Variants in TXNDC5 observed in about 807,000 individuals in gnomAD.
TXNDC5 encodes thioredoxin domain-containing protein 5.
A neutral mutation model predicts 52.6 loss-of-function variants in TXNDC5; 44 were observed. That is an observed-to-expected ratio of 0.84 (90% confidence interval 0.66 to 1.08). TXNDC5 has a LOEUF of 1.08. Among genes scored for constraint, TXNDC5 ranks in the 50% least tolerant of loss-of-function variants. The pLI, the probability that TXNDC5 is intolerant of heterozygous loss-of-function variation, is 0.00. For synonymous variants in TXNDC5, 241 were observed against 234.4 expected (o/e 1.03, Z -0.26); for missense variants, 600 against 565.5 (o/e 1.06, Z -0.62).
At chr6:7,899,429 A>G (rs1385981376) in intron 3 of TXNDC5, 147 bp downstream of exon 3, 1 of 526,174 alleles carries the variant, frequency 1.9e-6, no homozygotes. Context: ...TAATACCAAT[A>G]AGCTCCAAAA....
At chr6:7,904,518 ACTTT>A in intron 2 of TXNDC5, 52 bp downstream of exon 2, 1 of 1,596,408 alleles carries the variant, frequency 6.3e-7, no homozygotes, top group Non-Finnish European at 8.6e-7. Flanking sequence ...TTTAACTAGG[ACTTT>A]CTTTGTAGCC....
At chr6:7,883,347 C>T in intron 9 of TXNDC5, 81 bp from the exon 10 acceptor site, 1 of 1,593,812 alleles carries the variant, frequency 6.3e-7, no homozygotes, top group Non-Finnish European at 8.5e-7. Flanking sequence ...ACCAGATACA[C>T]TCCTACCGTT....
intron 2 of TXNDC5, among the ~76,000 whole-genome samples, chr6:7,900,843 A>G (rs1047993313): frequency 2.6e-5 from 4 of 152,134 alleles, no homozygotes; most frequent in Non-Finnish European, 5.9e-5. Context: ...AACCCTATTC[A>G]TGAGAGCTCC....
At chr6:7,909,334 C>T (rs765192657) in intron 1 of TXNDC5, among the ~76,000 whole-genome samples, 2 of 152,196 alleles carry the variant, frequency 1.3e-5, no homozygotes, top group Non-Finnish European at 2.9e-5. Flanking sequence ...CTATTCCAAC[C>T]TCTCAAAGGT....
intron 6 of TXNDC5, 146 bp from the exon 7 acceptor site, chr6:7,888,994 G>T: frequency 9.6e-7 from 1 of 1,039,886 alleles, no homozygotes; most frequent in Non-Finnish European, 1.4e-6. Flanking sequence ...ATTTAGACGG[G>T]AATGTAGAGA....
At position 7,883,040 on chromosome 6, in the gene TXNDC5, C is replaced by T. The variant is rs1298022754; in HGVS notation, c.*104G>A. 2 of 1,526,666 alleles carry T rather than the reference C, an allele frequency of 1.3e-6. No individual in the cohort carries two copies. Among genetic ancestry groups the T allele is most frequent in the African/African-American group, 2.8e-5 (2 of 72,718 alleles). The allele number at this position is 1,526,666 out of a possible 1,614,324, so 94.6% of individuals were successfully genotyped here. On this transcript the variant is annotated 3_prime_UTR_variant, in exon 10 of 10. Transcript: ENST00000379757. The stretch of plus-strand genomic sequence containing the variant: ...GATACCTCACGCTTAGTATGTTCTG[C>T]TTTCTGAACAGCCACCACTGGGAAC...
At chr6:7,897,228 C>T (rs904033899) in intron 3 of TXNDC5, among the ~76,000 whole-genome samples, 80 of 151,906 alleles carry the variant, frequency 5.3e-4, no homozygotes, top group African/African-American at 1.7e-3. Flanking sequence ...TATAACTGTT[C>T]AAGAAAAAAT....
Position 7,904,716 on chromosome 6 carries a change from G to C in TXNDC5, c.271C>G (p.His91Asp), listed in dbSNP as rs1437689506. 1.9e-6 allele frequency: 3 copies of C among 1,614,206 alleles called. No individual in the cohort carries two copies. The highest frequency in any genetic ancestry group is 2.5e-6 in the Non-Finnish European group (3 of 1,180,048). The change falls in exon 2 of 10, where the codon CAC becomes GAC. Residue 91 changes from histidine (H) to aspartate (D), a missense_variant. Physicochemically the swap from His to Asp is moderately conservative, Grantham distance 81. Transcript: ENST00000379757. The part of the protein sequence containing the change: ...FVMFFAPWCG[H>D]CQRLQPTWND... ...CAAGTCGGCTGCAGCCGCTGGCAGT[G>C]TCCACACCTGGAACAAGGCAAGAGT...
intron 5 of TXNDC5, among the ~76,000 whole-genome samples, chr6:7,891,151 T>C (rs34963444): frequency 0.028 from 4,240 of 152,296 alleles, 83 homozygotes; most frequent in African/African-American, 0.06. Flanking sequence ...GACACCACTC[T>C]TGGCTTCTCT....
At chr6:7,888,897 G>C in intron 6 of TXNDC5, 49 bp from the exon 7 acceptor site, 1 of 1,548,368 alleles carries the variant, frequency 6.5e-7, no homozygotes, top group Non-Finnish European at 8.7e-7. Flanking sequence ...GAGGTGTTCT[G>C]AATCACTTAA....
At chr6:7,887,407 C>T (rs1670003446) in intron 7 of TXNDC5, among the ~76,000 whole-genome samples, 1 of 151,986 alleles carries the variant, frequency 6.6e-6, no homozygotes, top group Non-Finnish European at 1.5e-5. Context: ...AAACCAAGCT[C>T]ATCCCTTTCC....
intron 1 of TXNDC5, among the ~76,000 whole-genome samples, chr6:7,907,826 C>A (rs1371537248): frequency 1.3e-5 from 2 of 152,188 alleles, no homozygotes; most frequent in African/African-American, 4.8e-5. Flanking sequence ...CTGCTGACCT[C>A]CCATTTGACT....
chr6:7,910,255 C>T (rs918669930), intron 1 of TXNDC5, among the ~76,000 whole-genome samples: 3 of 151,210 alleles, frequency 2.0e-5, no homozygotes, highest in African/African-American at 4.8e-5. Context: ...GCTCCCGGCC[C>T]CGAGCCGCGG....
Position 7,910,659 on chromosome 6 carries a change from C to T in TXNDC5, c.118G>A (p.Glu40Lys). The stretch of plus-strand genomic sequence containing the variant: ...CCGTCCGCCGCCGCCGCCGCCGCCT[C>T]CTGGGCCCGGGCGCCCCAGCGCCCG... ...GGGRWGARAQ[E>K]AAAAAADGPP... The change falls in exon 1 of 10, where the codon GAG becomes AAG. Residue 40 changes from glutamate to lysine, a missense_variant. Transcript: ENST00000379757. The T allele has an allele frequency of 1.6e-6, 2 of 1,246,492 alleles. No homozygotes were observed. Among genetic ancestry groups the T allele is most frequent in the Non-Finnish European group, 1.0e-6 (1 of 979,034 alleles). 77.2% of individuals were successfully genotyped at this position (1,246,492 alleles called of 1,614,324 possible). A position where few individuals can be genotyped will look rare whatever the true frequency, so the allele number is the denominator to read the frequency against.
chr6:7,894,892 G>A, intron 4 of TXNDC5: 1 of 985,450 alleles, frequency 1.0e-6, no homozygotes, highest in Middle Eastern at 5.2e-4. Context: ...CTTAGCATTA[G>A]ACTCGGCGTT....
intron 1 of TXNDC5, among the ~76,000 whole-genome samples, chr6:7,907,627 GA>G (rs1311034606): frequency 1.3e-5 from 2 of 152,192 alleles, no homozygotes; most frequent in Admixed American, 6.5e-5. Flanking sequence ...GCTGAAACTG[GA>G]AAAAGGTATG....
intron 2 of TXNDC5, chr6:7,900,127 C>A (rs1760513488): frequency 6.6e-6 from 1 of 152,652 alleles, no homozygotes; most frequent in African/African-American, 2.4e-5. Flanking sequence ...TCAACTCTTA[C>A]AAGGCCTGAA....
chr6:7,900,907 G>A (rs746448216), intron 2 of TXNDC5, among the ~76,000 whole-genome samples: 4 of 152,028 alleles, frequency 2.6e-5, no homozygotes, highest in Non-Finnish European at 5.9e-5. Flanking sequence ...CCAGCATTGG[G>A]GATTAGGATT....
At chr6:7,905,174 TTA>T (rs1760692484) in intron 1 of TXNDC5, among the ~76,000 whole-genome samples, 2 of 152,170 alleles carry the variant, frequency 1.3e-5, no homozygotes, top group Admixed American at 6.5e-5. Flanking sequence ...CCCTTCAGGT[TTA>T]GTTTGGGTGT....
Sources: gnomAD v4.1 joint callset for allele counts (sites outside exome capture counted in the v4.1 genomes callset) on GRCh38, gnomAD v4.1.1 for gene constraint, MANE v1.5 for transcripts, NCBI Gene and HGNC (gene_info 2026-07-23, HGNC 2026-07-21) for gene names.